The following TMEM8B variants were observed in gnomAD, a reference collection of about 807,000 sequenced individuals.
The protein encoded by TMEM8B is transmembrane protein 8B.
A neutral mutation model predicts 49.3 loss-of-function variants in TMEM8B; 29 were observed. That is an observed-to-expected ratio of 0.59 (90% CI 0.44 to 0.80). The LOEUF (loss-of-function observed/expected upper bound fraction) is 0.80. TMEM8B is among the 30% of genes least tolerant of loss of function. The pLI is 0.00. For synonymous variants in TMEM8B, 264 were observed against 272.8 expected (o/e 0.97, Z 0.32); for missense variants, 575 against 658.5 (o/e 0.87, Z 1.39).
In TMEM8B at chr9:35,846,947, A is replaced by G. The variant is rs1831655540; in HGVS notation, c.2127A>G (p.Arg709=). ...CTGTGGTCCTGGCCATTCGGAGTCG[A>G]TATGTGCTGGAAGCTGCAGTCTACA... ...LPPVVLAIRS[R]YVLEAAVYTF... The change falls in exon 10 of 13, where the codon CGA becomes CGG. Residue 709 remains arginine (R), a synonymous_variant. Coordinates refer to ENST00000643932, the MANE Select transcript of TMEM8B (RefSeq NM_001042590.4). 1 of 1,614,098 alleles carries G rather than the reference A, an allele frequency of 6.2e-7. No individual in the cohort carries two copies. Among genetic ancestry groups the G allele is most frequent in the East Asian group, 2.2e-5 (1 of 44,866 alleles).
At chr9:35,831,145 G>A (rs1277559925) in intron 1 of TMEM8B, among the ~76,000 whole-genome samples, 1 of 152,226 alleles carries the variant, frequency 6.6e-6, no homozygotes, top group Non-Finnish European at 1.5e-5. Context: ...CTGCAGAGAT[G>A]TCTGGTCACT....
chr9:35,859,152 A>G lies in TMEM8B; in HGVS notation c.*5312A>G, dbSNP rs1832605864. On this transcript the variant is annotated 3_prime_UTR_variant, in exon 13 of 13. Coordinates refer to ENST00000643932, the MANE Select transcript of TMEM8B (RefSeq NM_001042590.4). ...AATGATGGGGTTCAGCGAGGGCGTC[A>G]CAACCCCGTAGAACAATGCGACAGT... is the stretch of plus-strand genomic sequence containing the variant. 6.4e-6 allele frequency: 1 copy of G among 155,200 alleles called. No homozygotes were observed. Among genetic ancestry groups the G allele is most frequent in the African/African-American group, 2.4e-5 (1 of 41,516 alleles). The allele number at this position is 155,200 out of a possible 1,614,324, so 9.6% of individuals were successfully genotyped here. A position where few individuals can be genotyped will look rare whatever the true frequency, so the allele number is the denominator to read the frequency against.
At position 35,829,894 on chromosome 9, in the gene TMEM8B, G is replaced by A; in HGVS notation, c.447G>A (p.Gly149=). 1 of 416,230 alleles carries A rather than the reference G, an allele frequency of 2.4e-6. No homozygotes were observed. Among genetic ancestry groups the A allele is most frequent in the East Asian group, 3.6e-5 (1 of 28,094 alleles). The allele number at this position is 416,230 out of a possible 1,614,324, so 25.8% of individuals were successfully genotyped here. ...LPLSQPRLKS[G]FQLPPALLLL... ...TCTCCCAGCCTAGACTCAAGTCTGG[G>A]TTTCAGCTGCCGCCAGCCCTATTGC... Residue 149 remains glycine (G), a synonymous_variant, in exon 1 of 13, where the codon GGG becomes GGA. Coordinates refer to ENST00000643932, the MANE Select transcript of TMEM8B (RefSeq NM_001042590.4).
At position 35,846,709 on chromosome 9, in the gene TMEM8B, T is replaced by C. The variant is rs77008065; in HGVS notation, c.1996+98T>C. The C allele has an allele frequency of 1.0e-3, 1,614 of 1,542,188 alleles. 11 individuals carry two copies. In the African/African-American group the frequency reaches 0.018, roughly 17 times the overall value. On this transcript the variant is annotated intron_variant, in intron 9 of 12. Transcript: ENST00000643932. ...GGAGTAGGGGAGTGCGCAGCCTGAA[T>C]TGGGGACGGGTTTGGCAGAGCCGGG...
In TMEM8B at chr9:35,860,938, TCTC is replaced by T. The variant is rs1166730192; in HGVS notation, c.*7102_*7104del. ...ATCGCCATGCAGAGCTGCTCTCACTTCTCCTCGGGAAAGGCCAGCGTCAGGTAT... is the reference window on the plus strand; with the variant it reads ...ATCGCCATGCAGAGCTGCTCTCACTTCTCGGGAAAGGCCAGCGTCAGGTAT... On this transcript the variant is annotated 3_prime_UTR_variant, in exon 13 of 13. Coordinates refer to ENST00000643932, the MANE Select transcript of TMEM8B (RefSeq NM_001042590.4). 2.0e-5 allele frequency: 3 copies of T among 152,362 alleles called. No individual in the cohort carries two copies. Among genetic ancestry groups the T allele is most frequent in the South Asian group, 2.1e-4 (1 of 4,828 alleles). The allele number at this position is 152,362 out of a possible 1,614,324, so 9.4% of individuals were successfully genotyped here. A position where few individuals can be genotyped will look rare whatever the true frequency, so the allele number is the denominator to read the frequency against.
intron 6 of TMEM8B, 50 bp from the exon 7 acceptor site, chr9:35,845,925 G>A (rs779633887): frequency 1.2e-6 from 2 of 1,609,692 alleles, no homozygotes; most frequent in South Asian, 2.2e-5. Flanking sequence ...GGTGGCGGTG[G>A]GTGGAGATGG....
chr9:35,842,486 G>T lies in TMEM8B; in HGVS notation c.1404G>T (p.Pro468=), dbSNP rs758292475. ...GCAACCAGCCACTGCCCCCAGAACCGCCATCCCTTGGAACCCCTGCGGAGG... is the reference window on the plus strand; with the variant it reads ...GCAACCAGCCACTGCCCCCAGAACCTCCATCCCTTGGAACCCCTGCGGAGG... The part of the protein sequence containing the change: ...SLGNQPLPPE[P]PSLGTPAEGP... Residue 468 remains proline (P), a synonymous_variant, in exon 6 of 13, where the codon CCG becomes CCT. Transcript: ENST00000643932. The surrounding 1 kb of genome is among the most constrained non-coding windows in gnomAD (Gnocchi z 5.6). 1 of 1,602,174 alleles carries T rather than the reference G, an allele frequency of 6.2e-7. No homozygotes were observed. Among genetic ancestry groups the T allele is most frequent in the Non-Finnish European group, 8.5e-7 (1 of 1,171,942 alleles).
At chr9:35,847,119 ACAGAGACAGCAGTG>A (rs766799688) in intron 10 of TMEM8B, 124 bp downstream of exon 10, 4 of 1,614,204 alleles carry the variant, frequency 2.5e-6, no homozygotes, top group Non-Finnish European at 3.4e-6. Context: ...TCTTCTACAG[ACAGAGACAGCAGTG>A]CTTCCCAAAC....
intron 1 of TMEM8B, among the ~76,000 whole-genome samples, chr9:35,831,913 G>A (rs1829941605): frequency 6.6e-6 from 1 of 152,184 alleles, no homozygotes; most frequent in South Asian, 2.1e-4. Context: ...GATGGGTTTT[G>A]TCTGAGGAGA....
At chr9:35,836,868 G>T (rs909186419) in intron 3 of TMEM8B, among the ~76,000 whole-genome samples, 1 of 152,186 alleles carries the variant, frequency 6.6e-6, no homozygotes, top group Admixed American at 6.5e-5. Flanking sequence ...GGGTCTGGAC[G>T]CCGTGAGAGA....
chr9:35,861,166 A>G lies in TMEM8B; in HGVS notation c.*7326A>G, dbSNP rs567248491. On this transcript the variant is annotated 3_prime_UTR_variant, in exon 13 of 13. Coordinates refer to ENST00000643932, the MANE Select transcript of TMEM8B (RefSeq NM_001042590.4). Reference sequence around the variant, plus strand: ...TGTGAGGACAGTGCTTTGTGACAGCAGTGGAGCCCTGTCTGTCCTTCCGGG... The same window carrying G: ...TGTGAGGACAGTGCTTTGTGACAGCGGTGGAGCCCTGTCTGTCCTTCCGGG... 1 of 152,414 alleles carries G rather than the reference A, an allele frequency of 6.6e-6. No homozygotes were observed. Among genetic ancestry groups the G allele is most frequent in the East Asian group, 1.9e-4 (1 of 5,178 alleles). 9.4% of individuals were successfully genotyped at this position (152,414 alleles called of 1,614,324 possible). A position where few individuals can be genotyped will look rare whatever the true frequency, so the allele number is the denominator to read the frequency against.
chr9:35,854,032 C>G lies in TMEM8B; in HGVS notation c.*192C>G. 7.6e-7 allele frequency: 1 copy of G among 1,316,924 alleles called. No homozygotes were observed. Among genetic ancestry groups the G allele is most frequent in the Non-Finnish European group, 9.6e-7 (1 of 1,038,518 alleles). The allele number at this position is 1,316,924 out of a possible 1,614,324, so 81.6% of individuals were successfully genotyped here. Reference sequence around the variant, plus strand: ...AGAACTTCCTGAGGGCCTGGAGTCCCCCTGCATCATGGAGTCCTTCTTAAG... The same window carrying G: ...AGAACTTCCTGAGGGCCTGGAGTCCGCCTGCATCATGGAGTCCTTCTTAAG... On this transcript the variant is annotated 3_prime_UTR_variant, in exon 13 of 13. Transcript: ENST00000643932.
At position 35,853,016 on chromosome 9, in the gene TMEM8B, T is replaced by C. The variant is rs957810096; in HGVS notation, c.2322+43T>C. 1.2e-6 allele frequency: 2 copies of C among 1,613,174 alleles called. No homozygotes were observed. Among genetic ancestry groups the C allele is most frequent in the African/African-American group, 1.3e-5 (1 of 74,866 alleles). On this transcript the variant is annotated intron_variant, in intron 11 of 12. Transcript: ENST00000643932. This position sits in a 1 kb window ranked among gnomAD's most constrained non-coding sequence, Gnocchi z 4.2. The stretch of plus-strand genomic sequence containing the variant: ...CCTGGGGAACAACCATGGCCAAGTC[T>C]CCTTGAAATCCACTCCTGACCTCTC...
intron 3 of TMEM8B, among the ~76,000 whole-genome samples, chr9:35,836,741 A>T (rs552138999): frequency 1.3e-5 from 2 of 152,208 alleles, no homozygotes; most frequent in African/African-American, 2.4e-5. Flanking sequence ...GCATCTAGAC[A>T]TGGGAAGCGG....
chr9:35,846,524 C>G lies in TMEM8B; in HGVS notation c.1909C>G (p.Pro637Ala), dbSNP rs766287525. ...GGTGCGGATGCGCACCTTCCTGTCCCCATGCGTGGACGACTGCGGGCCCTA... is the reference window on the plus strand; with the variant it reads ...GGTGCGGATGCGCACCTTCCTGTCCGCATGCGTGGACGACTGCGGGCCCTA... ...AEVRMRTFLS[P>A]CVDDCGPYGQ... Residue 637 changes from proline (P) to alanine (A), a missense_variant, in exon 9 of 13, where the codon CCA becomes GCA. By Grantham distance (27) the Pro-to-Ala change is conservative. Transcript: ENST00000643932. The G allele has an allele frequency of 1.4e-5, 23 of 1,589,334 alleles. No homozygotes were observed. The South Asian group carries it at 2.5e-4, about 17-fold the overall frequency.
intron 3 of TMEM8B, among the ~76,000 whole-genome samples, chr9:35,835,737 T>C (rs1830386802): frequency 6.6e-6 from 1 of 152,244 alleles, no homozygotes; most frequent in Non-Finnish European, 1.5e-5. Flanking sequence ...AGAGAAGCTC[T>C]TTCCTGCTAA....
rs1832377726 is a variant in TMEM8B, at chr9:35,853,786, G to A, written c.2721G>A (p.Glu907=). ...GYQLCINEQE[E]LGLVGPGGAT... is the part of the protein sequence containing the mutation. Reference sequence around the variant, plus strand: ...AGCTATGCATCAACGAGCAGGAGGAGCTGGGCCTCGTGGGCCCAGGAGGGG... The same window carrying A: ...AGCTATGCATCAACGAGCAGGAGGAACTGGGCCTCGTGGGCCCAGGAGGGG... The change falls in exon 13 of 13, where the codon GAG becomes GAA. Residue 907 remains glutamate (E), a synonymous_variant. Transcript: ENST00000643932. The surrounding 1 kb of genome is among the most constrained non-coding windows in gnomAD (Gnocchi z 4.2). 4 of 1,587,206 alleles carry A rather than the reference G, an allele frequency of 2.5e-6. No homozygotes were observed. In the African/African-American group the frequency reaches 5.4e-5, roughly 21 times the overall value.
rs1832656150 is a variant in TMEM8B, at chr9:35,861,669, C to T, written c.*7829C>T. ...ACTGACCAAGACACTTGACCTCTCT[C>T]AGACTCAGCTTCCTCCTTGAAGACT... is the stretch of plus-strand genomic sequence containing the variant. On this transcript the variant is annotated 3_prime_UTR_variant, in exon 13 of 13. Transcript: ENST00000643932. The T allele has an allele frequency of 6.6e-6, 1 of 152,586 alleles. No individual in the cohort carries two copies. The highest frequency in any genetic ancestry group is 1.9e-4 in the East Asian group (1 of 5,192). The allele number at this position is 152,586 out of a possible 1,614,324, so 9.5% of individuals were successfully genotyped here. A position where few individuals can be genotyped will look rare whatever the true frequency, so the allele number is the denominator to read the frequency against.
At chr9:35,851,440 C>G (rs1832127740) in intron 10 of TMEM8B, among the ~76,000 whole-genome samples, 1 of 152,174 alleles carries the variant, frequency 6.6e-6, no homozygotes, top group African/African-American at 2.4e-5. Context: ...GCCACTGCAC[C>G]CAACCTAAAA....
Sources: gnomAD v4.1 joint callset for allele counts (sites outside exome capture counted in the v4.1 genomes callset) on GRCh38, gnomAD v4.1.1 for gene constraint, Gnocchi (gnomAD v3.1) non-coding constraint, MANE v1.5 for transcripts, NCBI Gene and HGNC (gene_info 2026-07-23, HGNC 2026-07-21) for gene names.